Variants in CEP128 observed in about 807,000 individuals in gnomAD.
CEP128 encodes the protein centrosomal protein 128.
CEP128 carries 132 observed loss-of-function variants against 156.7 expected under a neutral mutation model. That is an observed-to-expected ratio of 0.84 (90% CI 0.73 to 0.97). The LOEUF is 0.97. Among genes scored for constraint, CEP128 ranks in the 50% least tolerant of loss-of-function variants. The probability of loss-of-function intolerance (pLI) is 0.00; values close to 1 mark genes in which losing one functional copy is unlikely to be tolerated. For missense variants in CEP128, 1,252 were observed against 1,281.9 expected (o/e 0.98, Z 0.36); for synonymous variants, 469 against 448.9 (o/e 1.04, Z -0.57).
intron 19 of CEP128, among the ~76,000 whole-genome samples, chr14:80,698,691 C>G (rs549887996): frequency 1.1e-3 from 164 of 151,952 alleles, no homozygotes; most frequent in African/African-American, 3.7e-3. Flanking sequence ...TTTTCTGTGG[C>G]GCATATGGGA....
chr14:80,859,402 TGG>T (rs562821507), intron 9 of CEP128, among the ~76,000 whole-genome samples: 7,987 of 72,716 alleles, frequency 0.11, 209 homozygotes, highest in Middle Eastern at 0.2. Flanking sequence ...TGTTGTGGGG[TGG>T]GGGGAGGGGG....
chr14:80,885,037 C>T (rs1204250258), intron 8 of CEP128, among the ~76,000 whole-genome samples: 3 of 152,190 alleles, frequency 2.0e-5, no homozygotes, highest in African/African-American at 7.2e-5. Context: ...AGTAACACCA[C>T]AGCAAGGCAA....
At chr14:80,689,797 A>G (rs958376823) in intron 19 of CEP128, among the ~76,000 whole-genome samples, 6 of 152,162 alleles carry the variant, frequency 3.9e-5, no homozygotes, top group Non-Finnish European at 5.9e-5. Flanking sequence ...ACATTAAAAT[A>G]TTTCAAAATA....
chr14:80,635,718 T>C (rs1894153197), intron 19 of CEP128, among the ~76,000 whole-genome samples: 1 of 152,214 alleles, frequency 6.6e-6, no homozygotes, highest in South Asian at 2.1e-4. Flanking sequence ...GACTTGTTAG[T>C]TTCCTCCTAA....
rs569050054 is a variant in CEP128 at position 80,547,989 on chromosome 14, G to A, written c.2880+11290C>T. The stretch of plus-strand genomic sequence containing the variant: ...AATTTTTTGTATTTTTAGTAGAAAC[G>A]GGGTTTCACCATGTTAGCCAGGCTA... On this transcript the variant is annotated intron_variant, in intron 21 of 24. Transcript: ENST00000555265. Among the ~76,000 whole-genome samples, 506 of 152,022 alleles carry A rather than the reference G, an allele frequency of 3.3e-3. 3 individuals carry two copies. Among genetic ancestry groups the A allele is most frequent in the African/African-American group, 0.012 (485 of 41,482 alleles).
intron 19 of CEP128, among the ~76,000 whole-genome samples, chr14:80,704,726 T>C (rs1304015308): frequency 1.6e-5 from 2 of 124,172 alleles, no homozygotes; most frequent in African/African-American, 5.0e-5. Flanking sequence ...AAATTTAGCC[T>C]AAACTGATTC....
chr14:80,764,569 G>C (rs1900145587), intron 16 of CEP128, among the ~76,000 whole-genome samples: 1 of 151,962 alleles, frequency 6.6e-6, no homozygotes, highest in Non-Finnish European at 1.5e-5. Context: ...CTGTGGGACA[G>C]TTGTATGCTA....
chr14:80,723,071 C>T (rs1229097835), intron 19 of CEP128, among the ~76,000 whole-genome samples: 1 of 152,002 alleles, frequency 6.6e-6, no homozygotes, highest in Non-Finnish European at 1.5e-5. Context: ...TGTGATCCGC[C>T]CGCCTCGGCC....
Position 80,862,864 on chromosome 14 carries a change from G to A in CEP128, c.655C>T (p.Arg219Trp), listed in dbSNP as rs963326892. 12 of 1,612,512 alleles carry A rather than the reference G, an allele frequency of 7.4e-6. No individual in the cohort carries two copies. The highest frequency in any genetic ancestry group is 5.3e-5 in the African/African-American group (4 of 74,876). Residue 219 changes from arginine to tryptophan, a missense_variant, in exon 9 of 25, where the codon CGG (arginine) becomes TGG (tryptophan). Arg to Trp is a moderately radical substitution (Grantham distance 101, BLOSUM62 -3). Transcript: ENST00000555265. ...EAQKQEVVSD[R>W]VERRLQELER... ...AGTTCCTGAAGCCGCCGCTCCACCC[G>A]ATCTGAAACCTTAATAAGAATTCAG...
intron 19 of CEP128, among the ~76,000 whole-genome samples, chr14:80,647,459 G>C (rs1290574333): frequency 1.3e-5 from 2 of 151,812 alleles, no homozygotes; most frequent in African/African-American, 2.4e-5. Flanking sequence ...TTTCCTCTGA[G>C]TTTTCAGGTA....
intron 4 of CEP128, among the ~76,000 whole-genome samples, chr14:80,913,078 G>A (rs1273356855): frequency 2.0e-5 from 3 of 152,096 alleles, no homozygotes; most frequent in Non-Finnish European, 4.4e-5. Context: ...CCAGAACTCT[G>A]GAGTACATTT....
At chr14:80,584,198 G>A (rs1445008670) in intron 19 of CEP128, among the ~76,000 whole-genome samples, 4 of 142,552 alleles carry the variant, frequency 2.8e-5, no homozygotes, top group African/African-American at 8.0e-5. Context: ...CCAGACTGGA[G>A]TGCAGTGGCG....
At chr14:80,572,115 C>T (rs891837853) in intron 20 of CEP128, among the ~76,000 whole-genome samples, 6 of 152,132 alleles carry the variant, frequency 3.9e-5, no homozygotes, top group African/African-American at 9.7e-5. Context: ...ACAATCCTGA[C>T]GGGAGTTAGC....
chr14:80,633,496 C>T (rs1894051609), intron 19 of CEP128, among the ~76,000 whole-genome samples: 1 of 83,016 alleles, frequency 1.2e-5, no homozygotes, highest in African/African-American at 3.0e-5. Context: ...CTTCTGCCAC[C>T]TCTGTCTCTC....
At chr14:80,831,042 G>A (rs775820470) in intron 13 of CEP128, 101 bp downstream of exon 13, 3 of 1,005,070 alleles carry the variant, frequency 3.0e-6, no homozygotes, top group Non-Finnish European at 3.1e-6. Flanking sequence ...GCTCACACTG[G>A]AGTTCATAAA....
chr14:80,666,358 C>T (rs929083844), intron 19 of CEP128, among the ~76,000 whole-genome samples: 12 of 152,188 alleles, frequency 7.9e-5, no homozygotes, highest in African/African-American at 2.9e-4. Flanking sequence ...CAGAGAAACA[C>T]ACTTTCTATG....
At chr14:80,666,065 G>A (rs1206759898) in intron 19 of CEP128, among the ~76,000 whole-genome samples, 1 of 152,112 alleles carries the variant, frequency 6.6e-6, no homozygotes, top group Admixed American at 6.6e-5. Flanking sequence ...ATCAGGAGAG[G>A]ACAACCACCA....
At chr14:80,886,643 A>G (rs990699689) in intron 8 of CEP128, among the ~76,000 whole-genome samples, 1 of 152,234 alleles carries the variant, frequency 6.6e-6, no homozygotes, top group Admixed American at 6.5e-5. Context: ...TAAATATGGA[A>G]AGGAAAAACC....
chr14:80,515,458 T>C (rs78689722), intron 23 of CEP128, among the ~76,000 whole-genome samples: 1,517 of 151,578 alleles, frequency 0.01, 18 homozygotes, highest in African/African-American at 0.035. Flanking sequence ...GCAGAAAGAG[T>C]CTCTCTCTGT....
Sources: gnomAD v4.1 joint callset for allele counts (sites outside exome capture counted in the v4.1 genomes callset) on GRCh38, gnomAD v4.1.1 for gene constraint, MANE v1.5 for transcripts, NCBI Gene and HGNC (gene_info 2026-07-23, HGNC 2026-07-21) for gene names.